The following HENMT1 variants were observed in gnomAD, a reference collection of about 807,000 sequenced individuals.
HENMT1 encodes HEN methyltransferase 1.
In HENMT1, 27 loss-of-function variants were observed where a neutral mutation model predicts 31.1. The observed-to-expected ratio is 0.87, with a 90% CI of 0.64 to 1.20. The LOEUF is 1.20. HENMT1 is among the 50% of genes most tolerant of loss of function. HENMT1 has a pLI of 0.00. For synonymous variants in HENMT1, 167 were observed against 172.2 expected, an observed-to-expected ratio of 0.97 and a Z score of 0.24; for missense variants, 438 against 469.6, an observed-to-expected ratio of 0.93 and a Z score of 0.62.
intron 2 of HENMT1, among the ~76,000 whole-genome samples, chr1:108,657,984 C>CAT (rs147545516): frequency 7.8e-5 from 11 of 140,750 alleles, no homozygotes; most frequent in South Asian, 2.3e-4. Context: ...TACACACACA[C>CAT]ATATATATAC....
At chr1:108,657,864 A>G (rs1658295757) in intron 2 of HENMT1, among the ~76,000 whole-genome samples, 1 of 152,016 alleles carries the variant, frequency 6.6e-6, no homozygotes, top group Admixed American at 6.6e-5. Flanking sequence ...AATGAAAACA[A>G]TTAGATGACT....
rs117948923 is a variant in HENMT1 at position 108,649,488 on chromosome 1, C to T, written c.757-497G>A. 41 of 416,070 alleles carry T rather than the reference C, an allele frequency of 9.9e-5. No homozygotes were observed. In the East Asian group the frequency reaches 1.5e-3, roughly 15 times the overall value. 25.8% of individuals were successfully genotyped at this position (416,070 alleles called of 1,614,324 possible). A position where few individuals can be genotyped will look rare whatever the true frequency, so the allele number is the denominator to read the frequency against. On this transcript the variant is annotated intron_variant, in intron 7 of 7. Coordinates refer to ENST00000651461, the MANE Select transcript of HENMT1 (RefSeq NM_001102592.2). The stretch of plus-strand genomic sequence containing the variant: ...AAAAAAAGCTGAGCATGGTGGTGCA[C>T]GCCTGTCGTCCTAGCTACTTAGGAG...
chr1:108,660,477 GAA>G (rs1036718595), intron 1 of HENMT1, among the ~76,000 whole-genome samples: 1 of 151,964 alleles, frequency 6.6e-6, no homozygotes, highest in Non-Finnish European at 1.5e-5. Context: ...TTTCGAGGGG[GAA>G]AAAAAGTGTC....
chr1:108,658,042 TATATAC>T (rs1260306075), intron 2 of HENMT1, among the ~76,000 whole-genome samples: 28 of 124,644 alleles, frequency 2.2e-4, no homozygotes, highest in African/African-American at 1.1e-3. Flanking sequence ...CACACACATA[TATATAC>T]ACACACACAC....
chr1:108,651,135 A>G lies in HENMT1; in HGVS notation c.473T>C (p.Ile158Thr). Residue 158 changes from isoleucine to threonine, a missense_variant, in exon 6 of 8, where the codon ATT (isoleucine) becomes ACT (threonine). Coordinates refer to ENST00000651461, the MANE Select transcript of HENMT1 (RefSeq NM_001102592.2). ...TTCAGAGTTTGGTGTGCTGATGACAATCATGGATGGAGACAGGTACCCAAA... is the reference window on the plus strand; with the variant it reads ...TTCAGAGTTTGGTGTGCTGATGACAGTCATGGATGGAGACAGGTACCCAAA... ...VVFGYLSPSM[I>T]VISTPNSEFN... 2 of 1,614,006 alleles carry G rather than the reference A, an allele frequency of 1.2e-6. No individual in the cohort carries two copies. Among genetic ancestry groups the G allele is most frequent in the Non-Finnish European group, 1.7e-6 (2 of 1,179,896 alleles).
At chr1:108,657,601 A>T in intron 2 of HENMT1, 22 bp from the exon 3 acceptor site, 1 of 1,607,526 alleles carries the variant, frequency 6.2e-7, no homozygotes, top group Non-Finnish European at 8.5e-7. Context: ...AAACAAAAAA[A>T]GACAGGTTCT....
At chr1:108,651,712 C>T (rs187266738) in intron 5 of HENMT1, among the ~76,000 whole-genome samples, 1 of 133,424 alleles carries the variant, frequency 7.5e-6, no homozygotes, top group African/African-American at 2.9e-5. Flanking sequence ...GAGAGACAGA[C>T]AGAAAGAAAG....
intron 7 of HENMT1, among the ~76,000 whole-genome samples, chr1:108,649,738 C>G (rs546160296): frequency 2.0e-5 from 3 of 152,288 alleles, no homozygotes; most frequent in Admixed American, 6.5e-5. Flanking sequence ...TGGGGAGAAA[C>G]TGCTGCTGGC....
At position 108,661,078 on chromosome 1, in the gene HENMT1, C is replaced by T. The variant is rs1007939695; in HGVS notation, c.-194G>A. On this transcript the variant is annotated 5_prime_UTR_variant, in exon 1 of 8. Transcript: ENST00000651461. The stretch of plus-strand genomic sequence containing the variant: ...GGAGCCGCCAGCGTCCTCAACTCAG[C>T]GCCGCCCTGACGCCCGCGCACGCAC... 7.0e-6 allele frequency: 6 copies of T among 858,016 alleles called. No homozygotes were observed. Among genetic ancestry groups the T allele is most frequent in the South Asian group, 5.4e-5 (1 of 18,676 alleles). 53.2% of individuals were successfully genotyped at this position (858,016 alleles called of 1,614,324 possible).
chr1:108,656,497 T>G (rs1658247467), intron 3 of HENMT1, among the ~76,000 whole-genome samples: 1 of 152,212 alleles, frequency 6.6e-6, no homozygotes, highest in Admixed American at 6.5e-5. Flanking sequence ...GATCTAATTT[T>G]CTTTTTGAGA....
chr1:108,654,294 G>A (rs112975767), intron 5 of HENMT1, among the ~76,000 whole-genome samples: 5,913 of 152,126 alleles, frequency 0.039, 146 homozygotes, highest in Middle Eastern at 0.092. Context: ...CTGCTTTGTA[G>A]TACATTTTCA....
intron 6 of HENMT1, 87 bp from the exon 7 acceptor site, chr1:108,650,475 G>C (rs1658018776): frequency 1.6e-5 from 19 of 1,179,652 alleles, no homozygotes; most frequent in Non-Finnish European, 2.3e-5. Context: ...CAGTAAAAGA[G>C]AACATGAAAA....
At chr1:108,653,914 G>A (rs1353225743) in intron 5 of HENMT1, among the ~76,000 whole-genome samples, 1 of 152,080 alleles carries the variant, frequency 6.6e-6, no homozygotes, top group African/African-American at 2.4e-5. Context: ...TCCCATTTGT[G>A]TATTTCTGTT....
intron 6 of HENMT1, among the ~76,000 whole-genome samples, chr1:108,650,679 G>A (rs545837266): frequency 1.3e-5 from 2 of 152,222 alleles, no homozygotes; most frequent in East Asian, 3.9e-4. Context: ...TACCCATTTG[G>A]GTTTGCAATT....
chr1:108,648,748 A>G lies in HENMT1; in HGVS notation c.1000T>C (p.Cys334Arg), dbSNP rs908034735. Reference protein sequence around the residue: ...AKIENSPTPFCVGDKFFVPLQ... With the variant: ...AKIENSPTPFRVGDKFFVPLQ... ...GGTACGAAAAATTTATCTCCAACAC[A>G]GAAGGGTGTGGGAGAGTTCTCTATC... Residue 334 changes from cysteine (C) to arginine (R), a missense_variant, in exon 8 of 8, where the codon TGT becomes CGT. By Grantham distance (180) the Cys-to-Arg change is radical. Transcript: ENST00000651461. 1.9e-6 allele frequency: 3 copies of G among 1,614,170 alleles called. No homozygotes were observed. Among genetic ancestry groups the G allele is most frequent in the African/African-American group, 2.7e-5 (2 of 75,040 alleles).
intron 5 of HENMT1, 64 bp from the exon 6 acceptor site, chr1:108,651,273 G>C: frequency 7.3e-7 from 1 of 1,370,916 alleles, no homozygotes; most frequent in African/African-American, 1.5e-5. Flanking sequence ...TTTTCTAATT[G>C]ATTTATCAAA....
chr1:108,657,674 A>G (rs1030400341), intron 2 of HENMT1, 95 bp from the exon 3 acceptor site: 1 of 1,237,216 alleles, frequency 8.1e-7, no homozygotes, highest in Non-Finnish European at 1.1e-6. Context: ...ATTTCCCCCA[A>G]TCACTTTGAA....
At chr1:108,655,823 G>T in intron 3 of HENMT1, 125 bp from the exon 4 acceptor site, 3 of 395,380 alleles carry the variant, frequency 7.6e-6, no homozygotes, top group East Asian at 4.9e-5. Context: ...GTATTATATG[G>T]AAGGATCTTT....
intron 5 of HENMT1, among the ~76,000 whole-genome samples, chr1:108,653,112 C>CAAGTGAT (rs759549720): frequency 6.6e-5 from 10 of 150,832 alleles, no homozygotes; most frequent in Non-Finnish European, 1.3e-4. Context: ...CTCCAAGGTT[C>CAAGTGAT]AAGTGATTCT....
Sources: allele counts gnomAD v4.1 joint callset (sites outside exome capture counted in the v4.1 genomes callset), GRCh38; gene constraint gnomAD v4.1.1; transcripts MANE v1.5; gene names NCBI Gene and HGNC (gene_info 2026-07-23, HGNC 2026-07-21).